Variants in FREM1 observed in about 807,000 individuals in gnomAD.
FREM1 encodes FRAS1-related extracellular matrix protein 1.
In FREM1, 220 loss-of-function variants were observed where a neutral mutation model predicts 210.1. That is an observed-to-expected ratio of 1.05 (90% CI 0.94 to 1.17). The LOEUF is 1.17. Ranked by LOEUF, FREM1 falls within the 50% of genes most tolerant of loss-of-function variation. FREM1 has a pLI of 0.00. For missense variants in FREM1, 3,454 were observed against 2,675.5 expected (o/e 1.29, Z -6.42); for synonymous variants, 1,189 against 980.2 (o/e 1.21, Z -3.98).
In FREM1 at chr9:14,816,863, T is replaced by C. The variant is rs779116164; in HGVS notation, c.2555A>G (p.His852Arg). 2 of 1,335,364 alleles carry C rather than the reference T, an allele frequency of 1.5e-6. No individual in the cohort carries two copies. Among genetic ancestry groups the C allele is most frequent in the Non-Finnish European group, 2.0e-6 (2 of 984,810 alleles). The allele number at this position is 1,335,364 out of a possible 1,614,324, so 82.7% of individuals were successfully genotyped here. ...DLHTLKVRYQHDGTEVLQDDL... is the reference protein window; with the variant it reads ...DLHTLKVRYQRDGTEVLQDDL... ...ATCCTGAAGAACTTCAGTTCCATCA[T>C]GTTGATACCTGTGGGGATAATATTT... The change falls in exon 15 of 37, where the codon CAT becomes CGT. Residue 852 changes from histidine (H) to arginine (R), a missense_variant. Transcript: ENST00000380880.
intron 1 of FREM1, among the ~76,000 whole-genome samples, chr9:14,896,500 G>A (rs1029939605): frequency 7.2e-5 from 10 of 139,324 alleles, no homozygotes; most frequent in Admixed American, 6.4e-4. Context: ...AGCTGAGATC[G>A]CACCACTGCA....
chr9:14,766,112 C>T (rs916267554), intron 27 of FREM1, among the ~76,000 whole-genome samples: 2 of 152,130 alleles, frequency 1.3e-5, no homozygotes, highest in African/African-American at 4.8e-5. Flanking sequence ...TCAGGGTTCA[C>T]TCTCCAGTGA....
At chr9:14,825,881 C>G (rs1275070031) in intron 10 of FREM1, among the ~76,000 whole-genome samples, 1 of 152,020 alleles carries the variant, frequency 6.6e-6, no homozygotes. Context: ...TAATTTCATC[C>G]TTACATTATT....
intron 16 of FREM1, 78 bp downstream of exon 16, chr9:14,812,734 A>T: frequency 7.0e-7 from 1 of 1,419,822 alleles, no homozygotes; most frequent in Non-Finnish European, 9.5e-7. Flanking sequence ...TGACTGTTTG[A>T]TTATGGGAGC....
chr9:14,781,965 A>G (rs1437353472), intron 24 of FREM1, among the ~76,000 whole-genome samples: 1 of 152,206 alleles, frequency 6.6e-6, no homozygotes, highest in Non-Finnish European at 1.5e-5. Flanking sequence ...TCGTCCTCCT[A>G]AAGTGCTGGG....
At position 14,775,946 on chromosome 9, in the gene FREM1, A is replaced by T; in HGVS notation, c.4700T>A (p.Phe1567Tyr). The stretch of plus-strand genomic sequence containing the variant: ...CTTGCTGTCCACATCCTGCTGGGTG[A>T]AATTGTGTTGAAGTAGCCCTGTCCC... The part of the protein sequence containing the change: ...LWGTGLLQHN[F>Y]TQQDVDSKNV... Residue 1567 changes from phenylalanine (F) to tyrosine (Y), a missense_variant, in exon 25 of 37, where the codon TTC (phenylalanine) becomes TAC (tyrosine). Phe to Tyr is a conservative substitution (Grantham distance 22). Transcript: ENST00000380880. 1.9e-6 allele frequency: 3 copies of T among 1,613,918 alleles called. No individual in the cohort carries two copies. Among genetic ancestry groups the T allele is most frequent in the Non-Finnish European group, 2.5e-6 (3 of 1,179,878 alleles).
At position 14,836,515 on chromosome 9, in the gene FREM1, C is replaced by T. The variant is rs1824639057; in HGVS notation, c.1881+4932G>A. The stretch of plus-strand genomic sequence containing the variant: ...ATTATTAACAGGCTCAGGGAAAATG[C>T]CGGCTTCAGCCCTGGGCGGCTACAA... On this transcript the variant is annotated intron_variant, in intron 10 of 36. Transcript: ENST00000380880. This position sits in a 1 kb window ranked among gnomAD's most constrained non-coding sequence, Gnocchi z 4.9. Among the ~76,000 whole-genome samples, 1 of 152,156 alleles carries T rather than the reference C, an allele frequency of 6.6e-6. No individual in the cohort carries two copies. The highest frequency in any genetic ancestry group is 1.5e-5 in the Non-Finnish European group (1 of 68,034).
chr9:14,804,910 A>AT (rs759171132), intron 19 of FREM1, 46 bp downstream of exon 19: 1 of 1,456,906 alleles, frequency 6.9e-7, no homozygotes, highest in South Asian at 1.1e-5. Flanking sequence ...GAAAATAAAA[A>AT]TCAAAATGAT....
intron 23 of FREM1, among the ~76,000 whole-genome samples, chr9:14,785,316 T>A (rs947213293): frequency 6.6e-6 from 1 of 152,218 alleles, no homozygotes; most frequent in Non-Finnish European, 1.5e-5. Flanking sequence ...ATTCATTAGT[T>A]ATATGAGCAA....
chr9:14,791,785 T>C (rs777976749), intron 22 of FREM1, among the ~76,000 whole-genome samples: 4 of 152,122 alleles, frequency 2.6e-5, no homozygotes, highest in Admixed American at 6.6e-5. Context: ...TGGCAAATCA[T>C]TGAGAAGGCA....
intron 15 of FREM1, among the ~76,000 whole-genome samples, chr9:14,816,570 T>A (rs1391049740): frequency 6.6e-6 from 1 of 152,176 alleles, no homozygotes; most frequent in Non-Finnish European, 1.5e-5. Flanking sequence ...TCTGGCTCCC[T>A]CTTGCTCTTT....
At chr9:14,895,085 GAGAGGAATTTACCCAACTCAC>G (rs947641718) in intron 1 of FREM1, among the ~76,000 whole-genome samples, 3 of 152,196 alleles carry the variant, frequency 2.0e-5, no homozygotes, top group African/African-American at 7.2e-5. Context: ...ACCTCAGGAG[GAGAGGAATTTACCCAACTCAC>G]AGGTATTTGA....
intron 15 of FREM1, among the ~76,000 whole-genome samples, chr9:14,814,020 C>T (rs1343760971): frequency 6.6e-6 from 1 of 152,172 alleles, no homozygotes; most frequent in Non-Finnish European, 1.5e-5. Flanking sequence ...CCAGTTTTAT[C>T]CCGACACACA....
At chr9:14,873,434 G>T (rs1045636701) in intron 1 of FREM1, among the ~76,000 whole-genome samples, 33 of 152,096 alleles carry the variant, frequency 2.2e-4, no homozygotes, top group Middle Eastern at 3.4e-3. Flanking sequence ...CCATTTCTTC[G>T]ATATTTTCTA....
chr9:14,769,686 G>A (rs1246504225), intron 27 of FREM1, 38 bp downstream of exon 27: 4 of 1,595,816 alleles, frequency 2.5e-6, no homozygotes, highest in Middle Eastern at 3.3e-4. Flanking sequence ...CATTATGGAT[G>A]TAACATATAG....
rs201502030 is a variant in FREM1, at chr9:14,746,952, C to G, written c.6109G>C (p.Ala2037Pro). 6.2e-7 allele frequency: 1 copy of G among 1,613,176 alleles called. No individual in the cohort carries two copies. The highest frequency in any genetic ancestry group is 1.3e-5 in the African/African-American group (1 of 75,000). The part of the protein sequence containing the change: ...IQKLYQCNGI[A>P]WKAWSPQTKD... ...GTTTGGGGACTCCAGGCTTTCCAGG[C>G]GATCCCATTGCACTGATACAGCTTC... The change falls in exon 34 of 37, where the codon GCC becomes CCC. Residue 2037 changes from alanine to proline, a missense_variant. Transcript: ENST00000380880.
chr9:14,752,137 C>T (rs1309863590), intron 29 of FREM1, among the ~76,000 whole-genome samples: 5 of 151,598 alleles, frequency 3.3e-5, no homozygotes, highest in African/African-American at 9.7e-5. Context: ...TAACATAAGC[C>T]AAGCCCTGAT....
intron 25 of FREM1, among the ~76,000 whole-genome samples, chr9:14,774,761 G>A (rs1848269695): frequency 6.6e-6 from 1 of 152,054 alleles, no homozygotes; most frequent in African/African-American, 2.4e-5. Context: ...ATGCCCTCCA[G>A]GAATCCTTGT....
chr9:14,889,704 T>C (rs1836447170), intron 1 of FREM1, among the ~76,000 whole-genome samples: 2 of 152,226 alleles, frequency 1.3e-5, no homozygotes, highest in South Asian at 2.1e-4. Flanking sequence ...CAGGCTATAC[T>C]GTCATGAGTA....
Sources: allele counts gnomAD v4.1 joint callset (sites outside exome capture counted in the v4.1 genomes callset), GRCh38; gene constraint gnomAD v4.1.1; non-coding constraint Gnocchi (gnomAD v3.1); transcripts MANE v1.5; gene names NCBI Gene and HGNC (gene_info 2026-07-23, HGNC 2026-07-21).